TRIM24: variants seen among roughly 807,000 people sequenced by gnomAD.
TRIM24 encodes tripartite motif containing 24.
A neutral mutation model predicts 123.9 loss-of-function variants in TRIM24; 29 were observed. The ratio of observed to expected loss-of-function variants is 0.23; its 90% CI spans 0.17 to 0.32. The LOEUF is 0.32. TRIM24 is among the 10% of genes least tolerant of loss of function. The pLI is 1.00. For missense variants in TRIM24, 932 were observed against 1,295.3 expected (o/e 0.72, Z 4.31); for synonymous variants, 456 against 461.1 (o/e 0.99, Z 0.14).
intron 6 of TRIM24, among the ~76,000 whole-genome samples, chr7:138,538,430 T>C (rs184372911): frequency 3.9e-5 from 6 of 152,352 alleles, no homozygotes; most frequent in Admixed American, 3.9e-4. Context: ...TCCCAGAATA[T>C]GTAAAACCTG....
chr7:138,560,156 A>G (rs1011019238), intron 9 of TRIM24, among the ~76,000 whole-genome samples: 9 of 152,294 alleles, frequency 5.9e-5, no homozygotes, highest in South Asian at 4.1e-4. Flanking sequence ...TTTTTTGCCA[A>G]TATTTCTTCA....
chr7:138,461,529 T>C (rs1465618726), intron 1 of TRIM24, among the ~76,000 whole-genome samples: 1 of 152,206 alleles, frequency 6.6e-6, no homozygotes, highest in Non-Finnish European at 1.5e-5. Context: ...TGTTTTGTTG[T>C]GTGTCTCTTT....
At position 138,586,892 on chromosome 7, in the gene TRIM24, A is replaced by C. The variant is rs1485171837; in HGVS notation, c.*1941A>C. The C allele has an allele frequency of 6.6e-6, 1 of 152,248 alleles. No homozygotes were observed. The highest frequency in any genetic ancestry group is 2.4e-5 in the African/African-American group (1 of 41,470). The allele number at this position is 152,248 out of a possible 1,614,324, so 9.4% of individuals were successfully genotyped here. A position where few individuals can be genotyped will look rare whatever the true frequency, so the allele number is the denominator to read the frequency against. ...AAGGGAGTTAGAACTTGTGAGACTA[A>C]AACTATAATTTCCTAAATGTGACTA... is the stretch of plus-strand genomic sequence containing the variant. On this transcript the variant is annotated 3_prime_UTR_variant, in exon 19 of 19. Transcript: ENST00000343526.
chr7:138,537,384 T>G (rs1796908242), intron 6 of TRIM24, among the ~76,000 whole-genome samples: 6 of 124,166 alleles, frequency 4.8e-5, no homozygotes, highest in East Asian at 4.2e-4. Context: ...TGTTTGTTTT[T>G]TTTTTTTTTT....
Position 138,537,201 on chromosome 7 carries a change from C to T in TRIM24, c.997-1456C>T, listed in dbSNP as rs571704111. ...ACCTTGCCCTGCTTCGGCTCACACTCGGTGCACTGTACCCACGGTCCTGCA... is the reference window on the plus strand; with the variant it reads ...ACCTTGCCCTGCTTCGGCTCACACTTGGTGCACTGTACCCACGGTCCTGCA... On this transcript the variant is annotated intron_variant, in intron 6 of 18. Transcript: ENST00000343526. 1.2e-4 allele frequency among the ~76,000 whole-genome samples: 18 copies of T among 152,108 alleles called. No homozygotes were observed. In the East Asian group the frequency reaches 1.4e-3, roughly 11 times the overall value.
intron 6 of TRIM24, among the ~76,000 whole-genome samples, chr7:138,537,379 G>A (rs149068281): frequency 1.8e-5 from 1 of 56,642 alleles, no homozygotes; most frequent in Non-Finnish European, 3.1e-5. Context: ...ACCCCTGTTT[G>A]TTTTTTTTTT....
rs1159213113 is a variant in TRIM24 at position 138,579,384 on chromosome 7, C to T, written c.2437C>T (p.Leu813Phe). The T allele has an allele frequency of 6.2e-7, 1 of 1,614,014 alleles. No homozygotes were observed. Among genetic ancestry groups the T allele is most frequent in the African/African-American group, 1.3e-5 (1 of 74,916 alleles). The change falls in exon 15 of 19, where the codon CTT becomes TTT. Residue 813 changes from leucine to phenylalanine, a missense_variant. Leu to Phe is a conservative substitution (Grantham distance 22). Coordinates refer to ENST00000343526, the MANE Select transcript of TRIM24 (RefSeq NM_015905.3). ...EWLDPSQKSP[L>F]HVGETRKEDD... ...GTTGGATCCTTCCCAGAAGTCACCT[C>T]TTCATGTTGGAGAGACAAGGAAAGA... is the stretch of plus-strand genomic sequence containing the variant.
chr7:138,513,377 A>T (rs1216671360), intron 2 of TRIM24, among the ~76,000 whole-genome samples: 1 of 152,140 alleles, frequency 6.6e-6, no homozygotes, highest in East Asian at 1.9e-4. Flanking sequence ...TTCTGTTATC[A>T]GTCTGGTCTC....
chr7:138,541,533 C>T (rs1389000426), intron 7 of TRIM24, among the ~76,000 whole-genome samples: 1 of 152,100 alleles, frequency 6.6e-6, no homozygotes, highest in Non-Finnish European at 1.5e-5. Flanking sequence ...GTGCTGTAAT[C>T]CCGGCTTTGT....
At chr7:138,504,735 C>G (rs1054710193) in intron 2 of TRIM24, among the ~76,000 whole-genome samples, 1 of 151,276 alleles carries the variant, frequency 6.6e-6, no homozygotes, top group African/African-American at 2.4e-5. Flanking sequence ...GCTGGGATTA[C>G]AGGCGTGAGC....
At position 138,552,048 on chromosome 7, in the gene TRIM24, C is replaced by A. The variant is rs557118904; in HGVS notation, c.1261+868C>A. On this transcript the variant is annotated intron_variant, in intron 8 of 18. Transcript: ENST00000343526. ...AATACAGTTTTTTTTTTTACTTTAT[C>A]TTTCGTATGTTTAGATACACAGATA... Among the ~76,000 whole-genome samples, 24 of 151,322 alleles carry A rather than the reference C, an allele frequency of 1.6e-4. No individual in the cohort carries two copies. The South Asian group carries it at 2.7e-3, about 17-fold the overall frequency.
intron 1 of TRIM24, among the ~76,000 whole-genome samples, chr7:138,467,728 T>C (rs1054533403): frequency 6.6e-6 from 1 of 152,260 alleles, no homozygotes; most frequent in African/African-American, 2.4e-5. Flanking sequence ...GTTTTCATTG[T>C]AGCATTCTTG....
At chr7:138,545,234 C>G (rs1336374358) in intron 7 of TRIM24, among the ~76,000 whole-genome samples, 1 of 152,014 alleles carries the variant, frequency 6.6e-6, no homozygotes, top group Non-Finnish European at 1.5e-5. Context: ...GTCTTGCCTT[C>G]TCTTCCTGGC....
intron 1 of TRIM24, among the ~76,000 whole-genome samples, chr7:138,476,423 T>C (rs796330971): frequency 7.3e-5 from 11 of 151,674 alleles, no homozygotes; most frequent in African/African-American, 2.7e-4. Context: ...TGAAATCCTG[T>C]CTCTACTAAA....
chr7:138,470,273 G>A (rs1169100334), intron 1 of TRIM24, among the ~76,000 whole-genome samples: 2 of 151,904 alleles, frequency 1.3e-5, no homozygotes, highest in African/African-American at 4.8e-5. Context: ...TGGGAGCATA[G>A]GCGTGTGCCA....
chr7:138,500,978 AG>A (rs1387955474), intron 1 of TRIM24, among the ~76,000 whole-genome samples: 1 of 148,624 alleles, frequency 6.7e-6, no homozygotes, highest in African/African-American at 2.5e-5. Context: ...AAAAAAAAAA[AG>A]GTACACCTGT....
chr7:138,476,049 T>C (rs2116466481), intron 1 of TRIM24, among the ~76,000 whole-genome samples: 1 of 152,120 alleles, frequency 6.6e-6, no homozygotes, highest in South Asian at 2.1e-4. Context: ...ACAGCTTTCA[T>C]TTAAAAAAAA....
intron 1 of TRIM24, chr7:138,461,238 G>C: frequency 1.6e-6 from 1 of 613,430 alleles, no homozygotes; most frequent in African/African-American, 1.8e-5. Flanking sequence ...CGGAATCTCG[G>C]GTTCTTTGCC....
In TRIM24 at chr7:138,568,379, C is replaced by CTTTTTTTTTTTTTTTTT. The variant is rs60386130; in HGVS notation, c.1704+739_1704+755dup. 1.4e-3 allele frequency among the ~76,000 whole-genome samples: 98 copies of CTTTTTTTTTTTTTTTTT among 68,700 alleles called. 9 individuals carry two copies. Among genetic ancestry groups the CTTTTTTTTTTTTTTTTT allele is most frequent in the Non-Finnish European group, 1.9e-3 (77 of 39,856 alleles). 45.1% of individuals were successfully genotyped at this position (68,700 alleles called of 152,430 possible). A position where few individuals can be genotyped will look rare whatever the true frequency, so the allele number is the denominator to read the frequency against. On this transcript the variant is annotated intron_variant, in intron 10 of 18. Transcript: ENST00000343526. The stretch of plus-strand genomic sequence containing the variant: ...CTCGTAAGCCACCGTACCTGGCCTC[C>CTTTTTTTTTTTTTTTTT]TTTTTTTTTTTTTTTTTTTTTTTTT...
Sources: gnomAD v4.1 joint callset for allele counts (sites outside exome capture counted in the v4.1 genomes callset) on GRCh38, gnomAD v4.1.1 for gene constraint, MANE v1.5 for transcripts, NCBI Gene and HGNC (gene_info 2026-07-23, HGNC 2026-07-21) for gene names.